The following DIO2 variants were observed in gnomAD, a reference collection of about 807,000 sequenced individuals.
DIO2 encodes the protein type II iodothyronine deiodinase.
A neutral mutation model predicts 21.4 loss-of-function variants in DIO2; 19 were observed. That is an observed-to-expected ratio of 0.89 (90% CI 0.62 to 1.30). The LOEUF (loss-of-function observed/expected upper bound fraction) is 1.30. Ranked by LOEUF, DIO2 falls within the 50% of genes most tolerant of loss-of-function variation. DIO2 has a pLI of 0.00. For missense variants in DIO2, 302 were observed against 338.1 expected, an observed-to-expected ratio of 0.89 and a Z score of 0.84; for synonymous variants, 122 against 132.9, an observed-to-expected ratio of 0.92 and a Z score of 0.57.
At chr14:80,204,225 CA>C in intron 1 of DIO2, among the ~76,000 whole-genome samples, 1 of 151,984 alleles carries the variant, frequency 6.6e-6, no homozygotes, top group South Asian at 2.1e-4. Context: ...TAAAAACAGA[CA>C]AAAAAACAAA....
At chr14:80,211,218 A>T in intron 1 of DIO2, 33 bp downstream of exon 1, 1 of 1,585,298 alleles carries the variant, frequency 6.3e-7, no homozygotes, top group Non-Finnish European at 8.6e-7. Flanking sequence ...GCCCCTGTAG[A>T]CCTAGGGAGA....
At chr14:80,206,017 A>T (rs1288961465) in intron 1 of DIO2, among the ~76,000 whole-genome samples, 1 of 152,134 alleles carries the variant, frequency 6.6e-6, no homozygotes, top group Non-Finnish European at 1.5e-5. Flanking sequence ...ATCAGCACTC[A>T]ATGTTATTGA....
intron 2 of DIO2, among the ~76,000 whole-genome samples, chr14:80,226,291 G>C (rs918937541): frequency 6.6e-6 from 1 of 152,204 alleles, no homozygotes; most frequent in Non-Finnish European, 1.5e-5. Context: ...TAGAGAACAT[G>C]GTAAGACCAG....
intron 2 of DIO2, among the ~76,000 whole-genome samples, chr14:80,224,366 T>A (rs1305593040): frequency 6.6e-6 from 1 of 152,154 alleles, no homozygotes; most frequent in Non-Finnish European, 1.5e-5. Flanking sequence ...AAATGTTGTC[T>A]TATTTGGAAA....
At chr14:80,227,910 T>C (rs555927180) in intron 2 of DIO2, among the ~76,000 whole-genome samples, 1 of 152,316 alleles carries the variant, frequency 6.6e-6, no homozygotes, top group African/African-American at 2.4e-5. Flanking sequence ...AGGGGCCAAA[T>C]GCAGCAACTT....
chr14:80,217,437 T>A (rs1888382622), intron 2 of DIO2, among the ~76,000 whole-genome samples: 1 of 152,230 alleles, frequency 6.6e-6, no homozygotes. Context: ...TCTGTTTCCA[T>A]TTCAATTTTG....
upstream of DIO2, among the ~76,000 whole-genome samples, chr14:80,212,754 T>C (rs1238078943): frequency 6.6e-6 from 1 of 151,910 alleles, no homozygotes. Flanking sequence ...GGAAAACTTG[T>C]AAACTATTTG....
In DIO2 at chr14:80,208,429, C is replaced by T. The variant is rs1888037300; in HGVS notation, c.222+2822G>A. ...TTGTTCTTTCTTTATTTCTGTGTTG[C>T]CCCTTGTGGAGGCAAAACACAGGGA... On this transcript the variant is annotated intron_variant, in intron 1 of 1. Coordinates refer to ENST00000438257, the MANE Select transcript of DIO2 (RefSeq NM_013989.5). Among the ~76,000 whole-genome samples, 3 of 152,194 alleles carry T rather than the reference C, an allele frequency of 2.0e-5. No homozygotes were observed. The South Asian group carries it at 6.2e-4, about 32-fold the overall frequency.
At chr14:80,219,842 G>A (rs1360760291) in intron 2 of DIO2, among the ~76,000 whole-genome samples, 1 of 152,120 alleles carries the variant, frequency 6.6e-6, no homozygotes, top group Non-Finnish European at 1.5e-5. Context: ...CATTCACGTG[G>A]TATTTGATAA....
chr14:80,215,933 T>A (rs1888342238), upstream of DIO2: 1 of 152,240 alleles, frequency 6.6e-6, no homozygotes, highest in South Asian at 2.1e-4. Context: ...AGAAGCTCAA[T>A]GGATAAAATA....
intron 2 of DIO2, among the ~76,000 whole-genome samples, chr14:80,218,918 C>T (rs1888408605): frequency 6.6e-6 from 1 of 152,124 alleles, no homozygotes; most frequent in African/African-American, 2.4e-5. Context: ...GCAGAGGTTG[C>T]AGTGAGCCGA....
chr14:80,230,068 C>T (rs1007821014), intron 2 of DIO2, among the ~76,000 whole-genome samples: 1 of 152,114 alleles, frequency 6.6e-6, no homozygotes, highest in Non-Finnish European at 1.5e-5. Context: ...GCTGTTGCCT[C>T]AGGCAGCATA....
At chr14:80,225,445 C>G (rs1888556881) in intron 2 of DIO2, among the ~76,000 whole-genome samples, 1 of 152,170 alleles carries the variant, frequency 6.6e-6, no homozygotes, top group African/African-American at 2.4e-5. Flanking sequence ...GTCAATAAAT[C>G]TTATGCTCCA....
At chr14:80,217,514 C>A (rs971007919) in intron 2 of DIO2, among the ~76,000 whole-genome samples, 1 of 152,224 alleles carries the variant, frequency 6.6e-6, no homozygotes, top group South Asian at 2.1e-4. Flanking sequence ...GACAGGAAAG[C>A]ATTAGGGTGT....
rs1887662924 is a variant in DIO2 at position 80,200,265 on chromosome 14, CTA to C, written c.*2422_*2423del. The C allele has an allele frequency of 6.6e-6, 1 of 152,576 alleles. No homozygotes were observed. The highest frequency in any genetic ancestry group is 2.1e-4 in the South Asian group (1 of 4,824). The allele number at this position is 152,576 out of a possible 1,614,324, so 9.5% of individuals were successfully genotyped here. A position where few individuals can be genotyped will look rare whatever the true frequency, so the allele number is the denominator to read the frequency against. On this transcript the variant is annotated 3_prime_UTR_variant, in exon 2 of 2. Transcript: ENST00000438257. ...TTCCTCCCTGATAGCCCATGTCTTT[CTA>C]TGTTTCCTTCCTCTGCTTCATTTCT...
chr14:80,211,592 G>GGGGGGGA, upstream of DIO2: 1 of 162,280 alleles, frequency 6.2e-6, no homozygotes, highest in South Asian at 6.6e-5. Context: ...GGGGTTGGGG[G>GGGGGGGA]AGAAGGGGAA....
chr14:80,209,897 G>C (rs1888104778), intron 1 of DIO2, among the ~76,000 whole-genome samples: 1 of 152,126 alleles, frequency 6.6e-6, no homozygotes, highest in Non-Finnish European at 1.5e-5. Flanking sequence ...TGAATTCTTT[G>C]TAATTTTACA....
upstream of DIO2, chr14:80,216,263 A>G (rs1251358462): frequency 6.6e-6 from 1 of 152,280 alleles, no homozygotes; most frequent in Non-Finnish European, 1.5e-5. Flanking sequence ...GAAAGAAAAG[A>G]TTCAATGAGT....
At position 80,202,325 on chromosome 14, in the gene DIO2, T is replaced by C. The variant is rs148483855; in HGVS notation, c.*364A>G. 12 of 536,262 alleles carry C rather than the reference T, an allele frequency of 2.2e-5. No individual in the cohort carries two copies. The highest frequency in any genetic ancestry group is 9.5e-5 in the African/African-American group (5 of 52,760). The allele number at this position is 536,262 out of a possible 1,614,324, so 33.2% of individuals were successfully genotyped here. The stretch of plus-strand genomic sequence containing the variant: ...CCTTTATCTTAACGTAGACAGTAGC[T>C]TCCCTAATGTAGTAATTATTCAGGT... On this transcript the variant is annotated 3_prime_UTR_variant, in exon 2 of 2. Transcript: ENST00000438257.
Sources: allele counts gnomAD v4.1 joint callset (sites outside exome capture counted in the v4.1 genomes callset), GRCh38; gene constraint gnomAD v4.1.1; transcripts MANE v1.5; gene names NCBI Gene and HGNC (gene_info 2026-07-23, HGNC 2026-07-21).